Variants in CCDC138 observed in about 807,000 individuals in gnomAD.
CCDC138 encodes coiled-coil domain-containing protein 138.
In CCDC138, 66 loss-of-function variants were observed where a neutral mutation model predicts 82.3. The ratio of observed to expected loss-of-function variants is 0.80; its 90% CI spans 0.66 to 0.98. The LOEUF is 0.98. Ranked by LOEUF, CCDC138 falls within the 50% of genes least tolerant of loss-of-function variation. The pLI, the probability that CCDC138 is intolerant of heterozygous loss-of-function variation, is 0.00. For synonymous variants in CCDC138, 297 were observed against 265.4 expected, an observed-to-expected ratio of 1.12 and a Z score of -1.16; for missense variants, 816 against 758.9, an observed-to-expected ratio of 1.08 and a Z score of -0.88.
intron 5 of CCDC138, 120 bp downstream of exon 5, chr2:108,794,841 A>G: frequency 1.3e-6 from 1 of 772,408 alleles, no homozygotes; most frequent in Non-Finnish European, 2.0e-6. Flanking sequence ...TGTCAAGAGA[A>G]GGACGGAAGG....
Position 108,846,896 on chromosome 2 carries a change from A to G in CCDC138, c.1482A>G (p.Leu494=), listed in dbSNP as rs1690589931. The change falls in exon 12 of 15, where the codon TTA becomes TTG. Residue 494 remains leucine, a synonymous_variant. Coordinates refer to ENST00000295124, the MANE Select transcript of CCDC138 (RefSeq NM_144978.3). ...FKSSNLPLRF[L]STLIVLKTVT... is the part of the protein sequence containing the mutation. ...GCTCCAATTTGCCATTGAGATTTTT[A>G]TCAACCTTAATTGTTCTCAAAACAG... 1 of 1,612,382 alleles carries G rather than the reference A, an allele frequency of 6.2e-7. No individual in the cohort carries two copies. Among genetic ancestry groups the G allele is most frequent in the Non-Finnish European group, 8.5e-7 (1 of 1,178,654 alleles).
chr2:108,801,944 T>A (rs201229896), intron 6 of CCDC138, among the ~76,000 whole-genome samples: 1 of 57,002 alleles, frequency 1.8e-5, no homozygotes, highest in East Asian at 1.0e-3. Flanking sequence ...GTTGTAGGTA[T>A]GCGGCGTTAT....
intron 7 of CCDC138, among the ~76,000 whole-genome samples, chr2:108,805,244 C>G (rs1006769333): frequency 6.6e-6 from 1 of 152,014 alleles, no homozygotes; most frequent in Non-Finnish European, 1.5e-5. Flanking sequence ...ACCTGATAAC[C>G]TGAGAACTGA....
intron 4 of CCDC138, among the ~76,000 whole-genome samples, chr2:108,792,743 G>A (rs1405994466): frequency 6.6e-6 from 1 of 152,190 alleles, no homozygotes; most frequent in African/African-American, 2.4e-5. Flanking sequence ...TAAAGCTGGG[G>A]CTTCCATGAG....
At chr2:108,822,974 C>CA (rs1558677255) in intron 10 of CCDC138, among the ~76,000 whole-genome samples, 1 of 152,082 alleles carries the variant, frequency 6.6e-6, no homozygotes, top group African/African-American at 2.4e-5. Flanking sequence ...ATCTTGCAAG[C>CA]AATGCCACAG....
At chr2:108,813,801 T>C (rs1462479394) in intron 9 of CCDC138, among the ~76,000 whole-genome samples, 1 of 152,234 alleles carries the variant, frequency 6.6e-6, no homozygotes, top group Non-Finnish European at 1.5e-5. Flanking sequence ...GTCATTCTTT[T>C]CTGCCAGAAG....
At chr2:108,851,180 T>C (rs1691420368) in intron 12 of CCDC138, among the ~76,000 whole-genome samples, 1 of 152,176 alleles carries the variant, frequency 6.6e-6, no homozygotes, top group Non-Finnish European at 1.5e-5. Context: ...GAGCAAGGTA[T>C]AGGGGAAGGG....
intron 1 of CCDC138, among the ~76,000 whole-genome samples, chr2:108,882,040 G>A (rs1696304139): frequency 6.6e-6 from 1 of 151,868 alleles, no homozygotes; most frequent in Admixed American, 6.6e-5. Flanking sequence ...TGTAGTCCTA[G>A]CAACTCGAGA....
chr2:108,873,931 A>G (rs1369597444), intron 14 of CCDC138, among the ~76,000 whole-genome samples: 2 of 152,162 alleles, frequency 1.3e-5, no homozygotes, highest in East Asian at 3.9e-4. Flanking sequence ...TTTCCATTAT[A>G]CAGATGTAGA....
At chr2:108,847,669 G>C (rs1410794438) in intron 12 of CCDC138, among the ~76,000 whole-genome samples, 1 of 152,148 alleles carries the variant, frequency 6.6e-6, no homozygotes, top group Non-Finnish European at 1.5e-5. Context: ...AGTGTAGTCA[G>C]GCAATAAATA....
intron 12 of CCDC138, among the ~76,000 whole-genome samples, chr2:108,855,609 C>G (rs1692458155): frequency 6.6e-6 from 1 of 152,032 alleles, no homozygotes; most frequent in Non-Finnish European, 1.5e-5. Flanking sequence ...AAATTAAGTA[C>G]AGTAATGTTG....
chr2:108,875,319 TAAA>T (rs66522366), intron 14 of CCDC138, among the ~76,000 whole-genome samples: 84,863 of 118,500 alleles, frequency 0.72, 28,509 homozygotes, highest in Non-Finnish European at 0.78. Context: ...TAAAGTATAA[TAAA>T]AAAAAAAAAA....
At chr2:108,838,811 C>T (rs1688993401) in intron 10 of CCDC138, among the ~76,000 whole-genome samples, 1 of 151,988 alleles carries the variant, frequency 6.6e-6, no homozygotes. Flanking sequence ...ATTCCATTTG[C>T]TTCCTTGTAA....
At position 108,794,682 on chromosome 2, in the gene CCDC138, GAT is replaced by G; in HGVS notation, c.542_543del (p.Tyr181Ter). On this transcript the variant is annotated frameshift_variant, in exon 5 of 15. Transcript: ENST00000295124. LOFTEE classifies it high-confidence loss of function. ...RSLLPHQISQ[I>X]YDELFQIHLK... ...GTTTACTTCCACATCAGATCAGTCA[GAT>G]ATATGACGAATTATTTCAGATACAT... 1 of 1,613,618 alleles carries G rather than the reference GAT, an allele frequency of 6.2e-7. No individual in the cohort carries two copies. The highest frequency in any genetic ancestry group is 2.2e-5 in the East Asian group (1 of 44,858).
At chr2:108,869,363 C>T (rs971192067) in intron 13 of CCDC138, among the ~76,000 whole-genome samples, 1 of 152,152 alleles carries the variant, frequency 6.6e-6, no homozygotes, top group Non-Finnish European at 1.5e-5. Flanking sequence ...TTCTCCATTC[C>T]CTTCCTCAGG....
At chr2:108,790,707 TAAATA>T (rs1333237995) in intron 3 of CCDC138, among the ~76,000 whole-genome samples, 2 of 152,084 alleles carry the variant, frequency 1.3e-5, no homozygotes, top group African/African-American at 4.8e-5. Flanking sequence ...TCTCAAAAAA[TAAATA>T]AATAGGCATG....
chr2:108,873,367 C>T, intron 13 of CCDC138, 84 bp from the exon 14 acceptor site: 3 of 1,171,790 alleles, frequency 2.6e-6, no homozygotes, highest in Non-Finnish European at 3.4e-6. Context: ...TTATAAATGC[C>T]TCACATAGTT....
chr2:108,872,737 C>T (rs78281861), intron 13 of CCDC138, among the ~76,000 whole-genome samples: 3,033 of 152,242 alleles, frequency 0.02, 100 homozygotes, highest in African/African-American at 0.07. Flanking sequence ...TAAAGGTCCC[C>T]ACTCTTAATA....
chr2:108,847,318 A>G (rs10202541), intron 12 of CCDC138, among the ~76,000 whole-genome samples: 1 of 152,090 alleles, frequency 6.6e-6, no homozygotes, highest in African/African-American at 2.4e-5. Context: ...TCCCACAACC[A>G]TGCTCATTTG....
Sources: gnomAD v4.1 joint callset for allele counts (sites outside exome capture counted in the v4.1 genomes callset) on GRCh38, gnomAD v4.1.1 for gene constraint, MANE v1.5 for transcripts, NCBI Gene and HGNC (gene_info 2026-07-23, HGNC 2026-07-21) for gene names.